Variants in SGSM3 observed in about 807,000 individuals in gnomAD.
The protein encoded by SGSM3 is RUN and SH3 containing 3.
SGSM3 carries 96 observed loss-of-function variants against 100.5 expected under a neutral mutation model. The ratio of observed to expected loss-of-function variants is 0.96; its 90% CI spans 0.81 to 1.13. SGSM3 has a LOEUF of 1.13. Ranked by LOEUF, SGSM3 falls within the 50% of genes most tolerant of loss-of-function variation. The pLI, the probability that SGSM3 is intolerant of heterozygous loss-of-function variation, is 0.00. For synonymous variants in SGSM3, 483 were observed against 422.8 expected (o/e 1.14, Z -1.75); for missense variants, 1,001 against 1,015.8 (o/e 0.99, Z 0.20).
At position 40,405,245 on chromosome 22, in the gene SGSM3, G is replaced by A; in HGVS notation, c.579G>A (p.Trp193Ter). 1 of 1,553,756 alleles carries A rather than the reference G, an allele frequency of 6.4e-7. No individual in the cohort carries two copies. Among genetic ancestry groups the A allele is most frequent in the Non-Finnish European group, 8.7e-7 (1 of 1,149,378 alleles). ...RLRRVLRALA[W>*]LYPEIGYCQG... ...GCAGGGTGCTCCGGGCCCTGGCCTG[G>A]CTCTACCCAGAGATCGGCTACTGCC... Residue 193 changes from tryptophan to a stop codon, truncating the protein, a stop_gained, in exon 7 of 22, where the codon TGG (tryptophan) becomes TGA (stop). Coordinates refer to ENST00000248929, the MANE Select transcript of SGSM3 (RefSeq NM_015705.6). LOFTEE classifies it high-confidence loss of function.
At chr22:40,388,593 C>T (rs113306212) in intron 1 of SGSM3, among the ~76,000 whole-genome samples, 9 of 152,134 alleles carry the variant, frequency 5.9e-5, no homozygotes, top group Non-Finnish European at 8.8e-5. Context: ...GGGAAATGAT[C>T]AGTTGTATTT....
At chr22:40,373,760 C>T (rs1230926836) in intron 1 of SGSM3, among the ~76,000 whole-genome samples, 2 of 151,728 alleles carry the variant, frequency 1.3e-5, no homozygotes, top group South Asian at 2.1e-4. Context: ...AGACTGCAGG[C>T]GTGCACCACC....
intron 1 of SGSM3, chr22:40,387,210 C>G (rs749964052): frequency 5.8e-5 from 23 of 398,396 alleles, no homozygotes; most frequent in Non-Finnish European, 9.3e-5. Flanking sequence ...ATTTTTCCTT[C>G]TTTCATAGGT....
intron 1 of SGSM3, chr22:40,388,073 G>C (rs543329610): frequency 6.6e-6 from 1 of 152,366 alleles, no homozygotes; most frequent in Admixed American, 6.5e-5. Flanking sequence ...ACTCAGGGAA[G>C]GGTAAGCAGA....
chr22:40,402,262 G>A (rs1286977537), intron 4 of SGSM3, 57 bp downstream of exon 4: 9 of 1,341,584 alleles, frequency 6.7e-6, no homozygotes, highest in South Asian at 2.3e-5. Context: ...GGAGGACTCC[G>A]CTCCCTTGAC....
At chr22:40,393,228 C>G (rs747868449) in intron 1 of SGSM3, among the ~76,000 whole-genome samples, 5 of 152,170 alleles carry the variant, frequency 3.3e-5, no homozygotes, top group Non-Finnish European at 1.5e-5. Context: ...GCAATTCTCC[C>G]GCCTCGGCCT....
At chr22:40,379,026 CTAA>C (rs1359808759) in intron 1 of SGSM3, among the ~76,000 whole-genome samples, 1 of 152,188 alleles carries the variant, frequency 6.6e-6, no homozygotes, top group Admixed American at 6.5e-5. Context: ...CCCTGACTAC[CTAA>C]TTTAGAATAG....
In SGSM3 at chr22:40,405,767, C is replaced by T. The variant is rs142403487; in HGVS notation, c.737C>T (p.Thr246Ile). The T allele has an allele frequency of 6.2e-7, 1 of 1,613,788 alleles. No individual in the cohort carries two copies. The highest frequency in any genetic ancestry group is 8.5e-7 in the Non-Finnish European group (1 of 1,179,998). Residue 246 changes from threonine to isoleucine, a missense_variant, in exon 8 of 22, where the codon ACT (threonine) becomes ATT (isoleucine). By Grantham distance (89) the Thr-to-Ile change is moderately conservative. Coordinates refer to ENST00000248929, the MANE Select transcript of SGSM3 (RefSeq NM_015705.6). ...AGCACCACCCTGCTGGGTGTCCAGA[C>T]TGACCAGCGGGTCCTGCGCCACCTC... ...YFSTTLLGVQ[T>I]DQRVLRHLIV... is the part of the protein sequence containing the mutation.
intron 1 of SGSM3, among the ~76,000 whole-genome samples, chr22:40,372,188 G>A (rs1245778627): frequency 1.6e-5 from 2 of 125,888 alleles, no homozygotes; most frequent in Non-Finnish European, 3.2e-5. Flanking sequence ...GTGCAGTGGC[G>A]CGATCTCGGC....
chr22:40,401,655 A>G lies in SGSM3; in HGVS notation c.70A>G (p.Ile24Val). Residue 24 changes from isoleucine (I) to valine (V), a missense_variant, in exon 3 of 22, where the codon ATC (isoleucine) becomes GTC (valine). Coordinates refer to ENST00000248929, the MANE Select transcript of SGSM3 (RefSeq NM_015705.6). The stretch of plus-strand genomic sequence containing the variant: ...GACTCCGAGCATATGGCCCCAGGAG[A>G]TCTTGGCCAAGTACACGCAGGTATA... The part of the protein sequence containing the change: ...ALTPSIWPQE[I>V]LAKYTQKEES... 6.2e-7 allele frequency: 1 copy of G among 1,613,054 alleles called. No homozygotes were observed. Among genetic ancestry groups the G allele is most frequent in the Non-Finnish European group, 8.5e-7 (1 of 1,179,384 alleles).
In SGSM3 at chr22:40,405,161, C is replaced by A; in HGVS notation, c.495C>A (p.Arg165=). 1.3e-6 allele frequency: 2 copies of A among 1,568,890 alleles called. No homozygotes were observed. Among genetic ancestry groups the A allele is most frequent in the South Asian group, 1.2e-5 (1 of 85,388 alleles). Residue 165 remains arginine (R), a synonymous_variant, in exon 7 of 22, where the codon CGC becomes CGA. Transcript: ENST00000248929. ...GACAGATCGAGAAGGACCTGCTCCG[C>A]ACCATGCCCAGCAACGCCTGCTTCG... is the stretch of plus-strand genomic sequence containing the variant. ...AAKQIEKDLL[R]TMPSNACFAS...
Position 40,378,830 on chromosome 22 carries a change from C to T in SGSM3, c.-112+8142C>T, listed in dbSNP as rs542575874. ...GAGATCGTGATTCTCTGATTGAAAT[C>T]TAAATCTGCAGACTCCGAGACCTAG... On this transcript the variant is annotated intron_variant, in intron 1 of 21. Transcript: ENST00000248929. 1.8e-4 allele frequency among the ~76,000 whole-genome samples: 28 copies of T among 152,318 alleles called. No homozygotes were observed. The South Asian group carries it at 5.8e-3, about 32-fold the overall frequency.
intron 9 of SGSM3, 88 bp from the exon 10 acceptor site, chr22:40,406,350 G>A: frequency 1.3e-6 from 2 of 1,499,374 alleles, no homozygotes; most frequent in Non-Finnish European, 1.8e-6. Context: ...AGGCAAACGG[G>A]TCCCTGAGGA....
At chr22:40,401,167 G>A (rs111396128) in intron 2 of SGSM3, among the ~76,000 whole-genome samples, 8 of 152,288 alleles carry the variant, frequency 5.3e-5, no homozygotes, top group South Asian at 2.1e-4. Context: ...TACCCAGCAC[G>A]CTTGAGATGG....
chr22:40,406,703 C>T lies in SGSM3; in HGVS notation c.1185+41C>T, dbSNP rs368110385. ...GGGCCGCACCTTGACCCACAGCACA[C>T]GGGGAGGAGGGGTCACCTTGAAGTT... On this transcript the variant is annotated intron_variant, in intron 10 of 21. Coordinates refer to ENST00000248929, the MANE Select transcript of SGSM3 (RefSeq NM_015705.6). 5.7e-5 allele frequency: 87 copies of T among 1,514,448 alleles called. 1 individual carries two copies. Among genetic ancestry groups the T allele is most frequent in the South Asian group, 1.0e-4 (9 of 87,202 alleles). 93.8% of individuals were successfully genotyped at this position (1,514,448 alleles called of 1,614,324 possible).
At chr22:40,404,526 A>G (rs771444397) in intron 5 of SGSM3, 31 bp from the exon 6 acceptor site, 2 of 1,611,174 alleles carry the variant, frequency 1.2e-6, no homozygotes, top group African/African-American at 1.3e-5. Flanking sequence ...CACGAGAAAG[A>G]CTGAGTGCCC....
In SGSM3 at chr22:40,410,110, CACCT is replaced by C. The variant is rs746190246; in HGVS notation, c.*356_*359del. On this transcript the variant is annotated 3_prime_UTR_variant, in exon 22 of 22. Coordinates refer to ENST00000248929, the MANE Select transcript of SGSM3 (RefSeq NM_015705.6). ...TAAACTGTGTCTGTCTTTGAGAAAGCACCTACCTGTCTTCTGTGCAGCTAGGGCT... is the reference window on the plus strand; with the variant it reads ...TAAACTGTGTCTGTCTTTGAGAAAGCACCTGTCTTCTGTGCAGCTAGGGCT... The C allele has an allele frequency of 1.7e-6, 2 of 1,159,764 alleles. No individual in the cohort carries two copies. The highest frequency in any genetic ancestry group is 3.1e-5 in the South Asian group (1 of 32,432). 71.8% of individuals were successfully genotyped at this position (1,159,764 alleles called of 1,614,324 possible).
Position 40,405,202 on chromosome 22 carries a change from T to G in SGSM3, c.536T>G (p.Ile179Ser). The change falls in exon 7 of 22, where the codon ATC becomes AGC. Residue 179 changes from isoleucine to serine, a missense_variant. Transcript: ENST00000248929. ...SNACFASMGS[I>S]GVPRLRRVLR... ...GCCTGCTTCGCCAGCATGGGTAGCA[T>G]CGGGGTGCCCCGCCTGCGCAGGGTG... 8.2e-6 allele frequency: 13 copies of G among 1,587,606 alleles called. No individual in the cohort carries two copies. The highest frequency in any genetic ancestry group is 1.1e-5 in the Non-Finnish European group (13 of 1,165,956).
chr22:40,381,174 G>T (rs1005461443), intron 1 of SGSM3, among the ~76,000 whole-genome samples: 1 of 151,602 alleles, frequency 6.6e-6, no homozygotes, highest in African/African-American at 2.4e-5. Flanking sequence ...TTGAGACAGG[G>T]CCTCATTCTG....
Sources: gnomAD v4.1 joint callset for allele counts (sites outside exome capture counted in the v4.1 genomes callset) on GRCh38, gnomAD v4.1.1 for gene constraint, MANE v1.5 for transcripts, NCBI Gene and HGNC (gene_info 2026-07-23, HGNC 2026-07-21) for gene names.